INPP4B: variants seen among roughly 807,000 people sequenced by gnomAD.
INPP4B encodes the protein inositol polyphosphate-4-phosphatase type II B.
Under a neutral mutation model 122.5 loss-of-function variants are expected in INPP4B, and 55 were observed. That is an observed-to-expected ratio of 0.45 (90% confidence interval 0.36 to 0.56). INPP4B has a LOEUF of 0.56. Among genes scored for constraint, INPP4B ranks in the 20% least tolerant of loss-of-function variants. The pLI, the probability that INPP4B is intolerant of heterozygous loss-of-function variation, is 0.00. For synonymous variants in INPP4B, 403 were observed against 388.7 expected, an observed-to-expected ratio of 1.04 and a Z score of -0.43; for missense variants, 1,000 against 1,097.7, an observed-to-expected ratio of 0.91 and a Z score of 1.26.
intron 1 of INPP4B, among the ~76,000 whole-genome samples, chr4:142,796,910 G>C (rs929595067): frequency 1.7e-4 from 22 of 126,264 alleles, no homozygotes; most frequent in Non-Finnish European, 3.4e-4. Context: ...GTGTGTGTGT[G>C]TGTGTCTGTG....
chr4:142,358,282 T>C (rs1455703220), intron 7 of INPP4B, among the ~76,000 whole-genome samples: 1 of 151,974 alleles, frequency 6.6e-6, no homozygotes, highest in African/African-American at 2.4e-5. Flanking sequence ...TCTAGAGGTA[T>C]GCATTCCATT....
At chr4:142,625,535 AT>A (rs1308585391) in intron 2 of INPP4B, among the ~76,000 whole-genome samples, 2 of 152,116 alleles carry the variant, frequency 1.3e-5, no homozygotes, top group African/African-American at 4.8e-5. Context: ...AAGAATCAAT[AT>A]CGTGAAAATG....
intron 1 of INPP4B, among the ~76,000 whole-genome samples, chr4:142,841,071 G>T (rs28521209): frequency 2.0e-5 from 3 of 151,958 alleles, no homozygotes; most frequent in East Asian, 1.9e-4. Flanking sequence ...TAACTACTGC[G>T]CATCAATTAT....
At chr4:142,215,891 T>TAAAAA (rs1846952762) in intron 12 of INPP4B, among the ~76,000 whole-genome samples, 1 of 35,418 alleles carries the variant, frequency 2.8e-5, no homozygotes, top group African/African-American at 1.6e-4. Context: ...AGACTCTGTC[T>TAAAAA]CAAAAAAAAA....
At chr4:142,402,113 C>T (rs1016426690) in intron 7 of INPP4B, among the ~76,000 whole-genome samples, 1 of 152,164 alleles carries the variant, frequency 6.6e-6, no homozygotes, top group African/African-American at 2.4e-5. Flanking sequence ...TTAGCTTCAA[C>T]CAGAACTCTC....
chr4:142,112,525 C>CTT lies in INPP4B; in HGVS notation c.2276+15_2276+16dup. 6.2e-7 allele frequency: 1 copy of CTT among 1,612,014 alleles called. No homozygotes were observed. The highest frequency in any genetic ancestry group is 8.5e-7 in the Non-Finnish European group (1 of 1,179,110). ...ACAAAGAAAAATCTCAAGTGCGACTCTTACACCAAAGCTTACCTTTCAGCC... is the reference window on the plus strand; with the variant it reads ...ACAAAGAAAAATCTCAAGTGCGACTCTTTTACACCAAAGCTTACCTTTCAGCC... On this transcript the variant is annotated intron_variant, in intron 22 of 25. Transcript: ENST00000262992.
At chr4:142,796,642 A>G (rs1299690515) in intron 1 of INPP4B, among the ~76,000 whole-genome samples, 2 of 152,024 alleles carry the variant, frequency 1.3e-5, no homozygotes, top group Non-Finnish European at 2.9e-5. Flanking sequence ...TGGCACAAAA[A>G]AAAGTCTAAA....
intron 2 of INPP4B, among the ~76,000 whole-genome samples, chr4:142,643,374 C>A (rs1393958879): frequency 2.0e-5 from 3 of 152,062 alleles, no homozygotes; most frequent in Admixed American, 2.0e-4. Flanking sequence ...TTTAGGGATA[C>A]ATACTTATCC....
chr4:142,265,793 G>C (rs1341897689), intron 10 of INPP4B, among the ~76,000 whole-genome samples: 1 of 152,138 alleles, frequency 6.6e-6, no homozygotes, highest in Non-Finnish European at 1.5e-5. Context: ...CCTATTTCTG[G>C]AACAGCTCAG....
intron 2 of INPP4B, among the ~76,000 whole-genome samples, chr4:142,694,137 C>T (rs1425355728): frequency 1.3e-5 from 2 of 151,990 alleles, no homozygotes; most frequent in Admixed American, 6.6e-5. Flanking sequence ...CTTTGGGAGG[C>T]CGACGCAGGC....
At chr4:142,215,366 G>A (rs1028966092) in intron 12 of INPP4B, among the ~76,000 whole-genome samples, 2 of 152,164 alleles carry the variant, frequency 1.3e-5, no homozygotes, top group Admixed American at 6.5e-5. Context: ...TAGGTTGTGA[G>A]TGGGATTTGG....
intron 1 of INPP4B, among the ~76,000 whole-genome samples, chr4:142,731,268 A>G (rs1001853087): frequency 2.0e-5 from 3 of 152,214 alleles, no homozygotes; most frequent in Non-Finnish European, 4.4e-5. Flanking sequence ...ATATGATATG[A>G]CATTATGTAA....
intron 2 of INPP4B, among the ~76,000 whole-genome samples, chr4:142,464,870 T>C (rs1817464722): frequency 1.3e-5 from 2 of 152,294 alleles, no homozygotes; most frequent in South Asian, 4.1e-4. Flanking sequence ...CTTATTCAAA[T>C]CCACCCAAAT....
intron 2 of INPP4B, among the ~76,000 whole-genome samples, chr4:142,671,712 C>G (rs143160613): frequency 6.6e-6 from 1 of 152,248 alleles, no homozygotes; most frequent in East Asian, 1.9e-4. Flanking sequence ...AAGATAGTAA[C>G]ACTTCCACCA....
intron 12 of INPP4B, among the ~76,000 whole-genome samples, chr4:142,217,144 CA>C (rs985108935): frequency 1.3e-5 from 2 of 150,590 alleles, no homozygotes; most frequent in African/African-American, 4.9e-5. Context: ...GTTACTGGGG[CA>C]AAAAAACAAA....
chr4:142,043,256 G>T (rs116016584), intron 25 of INPP4B, among the ~76,000 whole-genome samples: 123 of 152,228 alleles, frequency 8.1e-4, no homozygotes, highest in Non-Finnish European at 1.4e-3. Flanking sequence ...TCATAGGAAA[G>T]AGAATAAGAT....
chr4:142,659,671 C>A (rs1398693219), intron 2 of INPP4B, among the ~76,000 whole-genome samples: 1 of 152,036 alleles, frequency 6.6e-6, no homozygotes, highest in Non-Finnish European at 1.5e-5. Flanking sequence ...AAATAGGATG[C>A]CCATCACTCG....
intron 24 of INPP4B, among the ~76,000 whole-genome samples, chr4:142,082,739 A>G (rs1421345527): frequency 1.3e-5 from 2 of 152,220 alleles, no homozygotes; most frequent in African/African-American, 4.8e-5. Context: ...AATACTAAAA[A>G]GGAGAACAAT....
At chr4:142,232,436 T>C (rs1340596570) in intron 12 of INPP4B, among the ~76,000 whole-genome samples, 1 of 152,088 alleles carries the variant, frequency 6.6e-6, no homozygotes, top group Non-Finnish European at 1.5e-5. Context: ...TGATCAGTGA[T>C]CTTTGATATT....
Sources: allele counts gnomAD v4.1 joint callset (sites outside exome capture counted in the v4.1 genomes callset), GRCh38; gene constraint gnomAD v4.1.1; transcripts MANE v1.5; gene names NCBI Gene and HGNC (gene_info 2026-07-23, HGNC 2026-07-21).